Variants in ROBO2 observed in about 807,000 individuals in gnomAD.
ROBO2 encodes roundabout guidance receptor 2.
ROBO2 carries 53 observed loss-of-function variants against 160.8 expected under a neutral mutation model. That is an observed-to-expected ratio of 0.33 (90% CI 0.26 to 0.41). ROBO2 has a LOEUF of 0.41. ROBO2 is among the 10% of genes least tolerant of loss of function. The pLI, the probability that ROBO2 is intolerant of heterozygous loss-of-function variation, is 1.00. For missense variants in ROBO2, 1,577 were observed against 1,722.4 expected (o/e 0.92, Z 1.49); for synonymous variants, 664 against 611.7 (o/e 1.09, Z -1.26).
At chr3:76,971,752 C>T (rs1286887708) in intron 2 of ROBO2, among the ~76,000 whole-genome samples, 1 of 152,106 alleles carries the variant, frequency 6.6e-6, no homozygotes, top group Admixed American at 6.6e-5. Flanking sequence ...AGCTTAAAGG[C>T]AAATTATTGG....
intron 2 of ROBO2, among the ~76,000 whole-genome samples, chr3:76,107,002 C>A (rs750328688): frequency 1.8e-4 from 27 of 151,748 alleles, no homozygotes; most frequent in Admixed American, 2.0e-4. Flanking sequence ...ACATATTCAT[C>A]ATTGTAAGAC....
In ROBO2 at chr3:76,807,244, A is replaced by G. The variant is rs143685725; in HGVS notation, c.110-290770A>G. Among the ~76,000 whole-genome samples the G allele has an allele frequency of 1.4e-3, 217 of 152,200 alleles. 1 individual carries two copies. The highest frequency in any genetic ancestry group is 5.1e-3 in the African/African-American group (212 of 41,564). ...TTTTTCAGCATGTCAGTAGTGGAAT[A>G]GTTCATAACAACCTGAACTTGTAGA... On this transcript the variant is annotated intron_variant, in intron 2 of 26. Coordinates refer to the ROBO2 transcript ENST00000487694.
chr3:77,622,314 G>A (rs201060839), exon 23 of ROBO2: 38 of 1,614,108 alleles, frequency 2.4e-5, no homozygotes, highest in Middle Eastern at 3.3e-4. Flanking sequence ...ATTTGGAAAC[G>A]GATGTTGCAG....
chr3:77,579,776 A>G (rs1249285729), intron 15 of ROBO2, among the ~76,000 whole-genome samples, 171 bp from the exon 17 acceptor site: 3 of 152,202 alleles, frequency 2.0e-5, no homozygotes, highest in African/African-American at 4.8e-5. Flanking sequence ...ACACACTTAC[A>G]TATACACTCA....
At chr3:76,784,371 TG>T (rs1475352235) in intron 2 of ROBO2, among the ~76,000 whole-genome samples, 1 of 151,072 alleles carries the variant, frequency 6.6e-6, no homozygotes, top group African/African-American at 2.4e-5. Context: ...GAGGATGTCT[TG>T]GGATTGTGTG....
intron 2 of ROBO2, among the ~76,000 whole-genome samples, chr3:77,385,491 G>A (rs2074005709): frequency 1.3e-5 from 2 of 152,178 alleles, no homozygotes; most frequent in Admixed American, 6.5e-5. Flanking sequence ...TTGTGTGGTA[G>A]TGTATAGATC....
In ROBO2 at chr3:76,578,109, A is replaced by T. The variant is rs529283272; in HGVS notation, c.110-519905A>T. Reference sequence around the variant, plus strand: ...GTCACTTACCAGCTTGGGAACTTAGACAGGTTCACCTGTCCATGCCCCAAT... The same window carrying T: ...GTCACTTACCAGCTTGGGAACTTAGTCAGGTTCACCTGTCCATGCCCCAAT... On this transcript the variant is annotated intron_variant, in intron 2 of 26. Coordinates refer to the ROBO2 transcript ENST00000487694. Among the ~76,000 whole-genome samples the T allele has an allele frequency of 3.9e-5, 6 of 152,296 alleles. No individual in the cohort carries two copies. In the South Asian group the frequency reaches 6.2e-4, roughly 16 times the overall value.
chr3:76,978,809 C>T (rs1183016174), intron 2 of ROBO2, among the ~76,000 whole-genome samples: 4 of 151,894 alleles, frequency 2.6e-5, no homozygotes, highest in African/African-American at 7.3e-5. Context: ...ATACGATTTC[C>T]CAAGCAAAGA....
rs373018324 is a variant in ROBO2 at position 77,366,900 on chromosome 3, C to CCCG, written c.389-110514_389-110513insCCG. On this transcript the variant is annotated intron_variant, in intron 2 of 25. Coordinates refer to ENST00000461745, the Ensembl canonical transcript of ROBO2. ...AGTGAGAACTCTCACAGCACCCCCC[C>CCCG]GACACTCACAGTCCCCTGGAATTAA... is the stretch of plus-strand genomic sequence containing the variant. Among the ~76,000 whole-genome samples the CCCG allele has an allele frequency of 7.2e-5, 11 of 151,854 alleles. No homozygotes were observed. The East Asian group carries it at 2.1e-3, about 30-fold the overall frequency.
At chr3:76,399,792 T>C (rs961628037) in intron 2 of ROBO2, among the ~76,000 whole-genome samples, 2 of 151,748 alleles carry the variant, frequency 1.3e-5, no homozygotes, top group African/African-American at 2.4e-5. Context: ...TGTTTTCTTG[T>C]AGAATAATCA....
intron 2 of ROBO2, among the ~76,000 whole-genome samples, chr3:76,423,395 A>G (rs890439729): frequency 6.6e-6 from 1 of 152,224 alleles, no homozygotes; most frequent in African/African-American, 2.4e-5. Context: ...AAAGGCAGAC[A>G]GTTGACATTA....
At chr3:77,352,205 G>C (rs1247923733) in intron 2 of ROBO2, among the ~76,000 whole-genome samples, 1 of 148,220 alleles carries the variant, frequency 6.7e-6, no homozygotes, top group African/African-American at 2.5e-5. Flanking sequence ...AACACATAAT[G>C]AATGATTTAT....
At chr3:76,242,763 T>C (rs974428105) in intron 2 of ROBO2, among the ~76,000 whole-genome samples, 6 of 151,972 alleles carry the variant, frequency 3.9e-5, no homozygotes, top group African/African-American at 1.2e-4. Flanking sequence ...TGCATGCCTG[T>C]GGTCCCAGCT....
chr3:76,203,270 A>AAAT (rs1702628335), intron 2 of ROBO2, among the ~76,000 whole-genome samples: 1 of 152,068 alleles, frequency 6.6e-6, no homozygotes, highest in African/African-American at 2.4e-5. Context: ...GCCACAAAAA[A>AAAT]CTCAGAAGGA....
At chr3:77,202,792 C>G (rs1425783038) in intron 2 of ROBO2, among the ~76,000 whole-genome samples, 16 of 152,048 alleles carry the variant, frequency 1.1e-4, no homozygotes, top group Non-Finnish European at 1.5e-4. Flanking sequence ...CTATCAGGTG[C>G]CTCCCTGGGT....
chr3:76,673,368 A>AGTGGTGGGTTGG (rs1207596531), intron 2 of ROBO2, among the ~76,000 whole-genome samples: 6 of 152,206 alleles, frequency 3.9e-5, no homozygotes, highest in African/African-American at 1.4e-4. Context: ...CTGGCCAGGC[A>AGTGGTGGGTTGG]GTGGTGGGTT....
chr3:76,809,688 G>T (rs970933455), intron 2 of ROBO2, among the ~76,000 whole-genome samples: 3 of 152,146 alleles, frequency 2.0e-5, no homozygotes, highest in East Asian at 1.9e-4. Flanking sequence ...AACCTTATTT[G>T]TGGCTCCTTT....
chr3:76,650,163 G>A (rs2091185350), intron 2 of ROBO2, among the ~76,000 whole-genome samples: 1 of 151,910 alleles, frequency 6.6e-6, no homozygotes, highest in Admixed American at 6.6e-5. Flanking sequence ...AAATAAACAA[G>A]CTAGGAATAA....
rs138993928 is a variant in ROBO2 at position 76,350,374 on chromosome 3, T to G, written c.109+412772T>G. ...TTTCAACCCAGAGAGAATATCACAT[T>G]CTCCTTAGTGCAGATCCAGGCTTAG... On this transcript the variant is annotated intron_variant, in intron 2 of 26. Coordinates refer to the ROBO2 transcript ENST00000487694. 3.9e-5 allele frequency among the ~76,000 whole-genome samples: 6 copies of G among 152,192 alleles called. No individual in the cohort carries two copies. The East Asian group carries it at 1.2e-3, about 30-fold the overall frequency.
Sources: allele counts gnomAD v4.1 joint callset (sites outside exome capture counted in the v4.1 genomes callset), GRCh38; gene constraint gnomAD v4.1.1; transcripts MANE v1.5; gene names NCBI Gene and HGNC (gene_info 2026-07-23, HGNC 2026-07-21).